The following AKAP13 variants were observed in gnomAD, a reference collection of about 807,000 sequenced individuals.
AKAP13 encodes A-kinase anchor protein 13.
Under a neutral mutation model 264.5 loss-of-function variants are expected in AKAP13, and 80 were observed. That is an observed-to-expected ratio of 0.30 (90% CI 0.25 to 0.36). AKAP13 has a LOEUF of 0.36. AKAP13 is among the 10% of genes least tolerant of loss of function. AKAP13 has a pLI of 1.00. For synonymous variants in AKAP13, 1,380 were observed against 1,250.2 expected (o/e 1.10, Z -2.19); for missense variants, 3,712 against 3,435.2 (o/e 1.08, Z -2.01).
rs16941004 is a variant in AKAP13, at chr15:85,529,567, T to C, written c.182-4017T>C. Among the ~76,000 whole-genome samples the C allele has an allele frequency of 4.6e-3, 703 of 152,358 alleles. 8 individuals are homozygous for C. Among genetic ancestry groups the C allele is most frequent in the African/African-American group, 0.016 (668 of 41,576 alleles). ...TGTAGGCATACGCGGTGTAAAATTA[T>C]TGAGTCTGTATTATGTAACTTTTTA... On this transcript the variant is annotated intron_variant, in intron 3 of 36. Coordinates refer to ENST00000394518, the MANE Select transcript of AKAP13 (RefSeq NM_007200.5).
At chr15:85,515,720 T>C (rs2076577197) in intron 2 of AKAP13, among the ~76,000 whole-genome samples, 1 of 138,824 alleles carries the variant, frequency 7.2e-6, no homozygotes, top group South Asian at 2.2e-4. Context: ...GTTTGTCTGA[T>C]GTTTTCTCAT....
chr15:85,455,627 C>T (rs1044705441), intron 1 of AKAP13, among the ~76,000 whole-genome samples: 3 of 152,248 alleles, frequency 2.0e-5, no homozygotes, highest in Admixed American at 2.0e-4. Context: ...TCCTTAGTCT[C>T]TGTTACCAAT....
At chr15:85,614,547 A>G (rs1238053526) in intron 8 of AKAP13, among the ~76,000 whole-genome samples, 3 of 152,244 alleles carry the variant, frequency 2.0e-5, no homozygotes, top group Non-Finnish European at 2.9e-5. Context: ...TTTAAAAAAC[A>G]TCTTTTTCTG....
chr15:85,463,634 C>G (rs114343198), intron 1 of AKAP13, among the ~76,000 whole-genome samples: 3 of 152,148 alleles, frequency 2.0e-5, no homozygotes, highest in African/African-American at 7.2e-5. Flanking sequence ...TTCCCTCTGC[C>G]CTTTTTCTTT....
Position 85,470,379 on chromosome 15 carries a change from TA to T in AKAP13, c.-11-15327del, listed in dbSNP as rs377612053. Reference sequence around the variant, plus strand: ...GGAGGAAGAACTGCCAGTGCCTTTTTAAAACGCCAGTTTATAAGAGTTGTGC... The same window carrying T: ...GGAGGAAGAACTGCCAGTGCCTTTTTAAACGCCAGTTTATAAGAGTTGTGC... On this transcript the variant is annotated intron_variant, in intron 1 of 36. Coordinates refer to ENST00000394518, the MANE Select transcript of AKAP13 (RefSeq NM_007200.5). Among the ~76,000 whole-genome samples, 308 of 152,318 alleles carry T rather than the reference TA, an allele frequency of 2.0e-3. 4 individuals carry two copies. Among genetic ancestry groups the T allele is most frequent in the African/African-American group, 7.1e-3 (297 of 41,584 alleles).
chr15:85,601,435 T>C lies in AKAP13; in HGVS notation c.4161+15612T>C, dbSNP rs1419221596. Among the ~76,000 whole-genome samples the C allele has an allele frequency of 2.0e-5, 3 of 152,194 alleles. No homozygotes were observed. The East Asian group carries it at 5.8e-4, about 29-fold the overall frequency. ...GTTTAGACCTAATCTCACATATAAC[T>C]AAAGGCATTAGCTTTCATATAGTCT... On this transcript the variant is annotated intron_variant, in intron 8 of 36. Transcript: ENST00000394518.
intron 1 of AKAP13, among the ~76,000 whole-genome samples, chr15:85,434,216 A>C (rs2073160972): frequency 6.6e-6 from 1 of 152,114 alleles, no homozygotes; most frequent in African/African-American, 2.4e-5. Context: ...TGACGGACGC[A>C]CCTGGAAAAT....
chr15:85,728,957 A>G (rs1164966459), intron 29 of AKAP13, among the ~76,000 whole-genome samples: 2 of 152,126 alleles, frequency 1.3e-5, no homozygotes, highest in Non-Finnish European at 2.9e-5. Context: ...GGATAGGTTA[A>G]GTGAGAATGA....
chr15:85,663,693 C>T (rs1019208624), intron 12 of AKAP13, among the ~76,000 whole-genome samples: 1 of 152,182 alleles, frequency 6.6e-6, no homozygotes, highest in East Asian at 1.9e-4. Flanking sequence ...GAAGTTTCCG[C>T]TGCAGTTGTA....
At chr15:85,476,545 TTAAC>T (rs1214583269) in intron 1 of AKAP13, among the ~76,000 whole-genome samples, 1 of 152,252 alleles carries the variant, frequency 6.6e-6, no homozygotes, top group African/African-American at 2.4e-5. Context: ...TGTTAAACCT[TTAAC>T]TACACATCTT....
chr15:85,683,814 T>C (rs780009983), intron 15 of AKAP13, among the ~76,000 whole-genome samples: 3 of 152,176 alleles, frequency 2.0e-5, no homozygotes, highest in Non-Finnish European at 4.4e-5. Context: ...ATTACCTAAG[T>C]TAGAACATGC....
rs1458218458 is a variant in AKAP13, at chr15:85,746,806, T to G, written c.*2129T>G. Reference sequence around the variant, plus strand: ...CCTCCTGGGATTTGCAGGAGGGCAGTACTGAACCTGCATTCTTCTCCTTGT... The same window carrying G: ...CCTCCTGGGATTTGCAGGAGGGCAGGACTGAACCTGCATTCTTCTCCTTGT... On this transcript the variant is annotated 3_prime_UTR_variant, in exon 37 of 37. Transcript: ENST00000394518. The G allele has an allele frequency of 6.6e-6, 1 of 152,346 alleles. No homozygotes were observed. The highest frequency in any genetic ancestry group is 2.1e-4 in the South Asian group (1 of 4,828). 9.4% of individuals were successfully genotyped at this position (152,346 alleles called of 1,614,324 possible).
At chr15:85,498,683 A>G (rs2075959234) in intron 2 of AKAP13, among the ~76,000 whole-genome samples, 2 of 152,018 alleles carry the variant, frequency 1.3e-5, no homozygotes, top group African/African-American at 2.4e-5. Flanking sequence ...TAAGACATAC[A>G]TCCTATAAAA....
chr15:85,690,680 G>A (rs1379371729), intron 16 of AKAP13, among the ~76,000 whole-genome samples: 1 of 152,238 alleles, frequency 6.6e-6, no homozygotes, highest in Non-Finnish European at 1.5e-5. Flanking sequence ...GTTCTGAACA[G>A]AAAGTCAGAA....
chr15:85,700,843 T>A (rs1446751961), intron 17 of AKAP13, among the ~76,000 whole-genome samples: 1 of 152,204 alleles, frequency 6.6e-6, no homozygotes, highest in Admixed American at 6.5e-5. Flanking sequence ...TAATATTGGT[T>A]ATTTATCTAC....
At chr15:85,588,381 C>T (rs2079447244) in intron 8 of AKAP13, among the ~76,000 whole-genome samples, 1 of 152,200 alleles carries the variant, frequency 6.6e-6, no homozygotes, top group African/African-American at 2.4e-5. Context: ...AAAGAGAACA[C>T]ACCCTGCATG....
At chr15:85,638,753 C>A (rs338501) in intron 8 of AKAP13, among the ~76,000 whole-genome samples, 70,109 of 145,726 alleles carry the variant, frequency 0.48, 16,591 homozygotes, top group Middle Eastern at 0.59. Flanking sequence ...CTTCAGCAAC[C>A]CCTCTGAGCC....
At chr15:85,685,006 A>G in intron 16 of AKAP13, 133 bp downstream of exon 16, 2 of 1,153,682 alleles carry the variant, frequency 1.7e-6, no homozygotes, top group Non-Finnish European at 1.2e-6. Context: ...GAAATCGCCT[A>G]ATATTTAAAG....
At chr15:85,572,722 A>G (rs1317634402) in intron 5 of AKAP13, among the ~76,000 whole-genome samples, 1 of 151,794 alleles carries the variant, frequency 6.6e-6, no homozygotes, top group East Asian at 1.9e-4. Flanking sequence ...TAGAACGTGC[A>G]GGTTTATTAC....
Sources: allele counts gnomAD v4.1 joint callset (sites outside exome capture counted in the v4.1 genomes callset), GRCh38; gene constraint gnomAD v4.1.1; transcripts MANE v1.5; gene names NCBI Gene and HGNC (gene_info 2026-07-23, HGNC 2026-07-21).